Variants in C2CD3 observed in about 807,000 individuals in gnomAD.
C2CD3 encodes the protein C2 domain containing 3 centriole elongation regulator.
C2CD3 carries 148 observed loss-of-function variants against 234.0 expected under a neutral mutation model. That is an observed-to-expected ratio of 0.63 (90% CI 0.55 to 0.72). C2CD3 has a LOEUF of 0.72. Among genes scored for constraint, C2CD3 ranks in the 30% least tolerant of loss-of-function variants. The probability of loss-of-function intolerance (pLI) is 0.00; values close to 1 mark genes in which losing one functional copy is unlikely to be tolerated. For missense variants in C2CD3, 2,577 were observed against 2,811.5 expected (o/e 0.92, Z 1.89); for synonymous variants, 1,000 against 1,035.4 (o/e 0.97, Z 0.66).
intron 30 of C2CD3, among the ~76,000 whole-genome samples, chr11:74,036,756 C>T (rs1952765082): frequency 6.6e-6 from 1 of 152,120 alleles, no homozygotes; most frequent in African/African-American, 2.4e-5. Flanking sequence ...CAGTAAGTGC[C>T]CCGGGTGATT....
At chr11:74,116,713 A>G (rs757637292) in intron 9 of C2CD3, among the ~76,000 whole-genome samples, 3 of 151,434 alleles carry the variant, frequency 2.0e-5, no homozygotes, top group Non-Finnish European at 4.4e-5. Flanking sequence ...TTGCAAAAAT[A>G]TGGAACCAGC....
At position 74,106,371 on chromosome 11, in the gene C2CD3, C is replaced by T. The variant is rs1162999380; in HGVS notation, c.2085G>A (p.Lys695=). The stretch of plus-strand genomic sequence containing the variant: ...ACTTCCTGAATGTATATCTACATAC[C>T]TTGAGGGGGCCAAATGGAGACTGAC... ...ENGQSPFGPL[K]VTMELITDNK... is the part of the protein sequence containing the mutation. The change falls in exon 13 of 33, where the codon AAG becomes AAA. Residue 695 remains lysine (K), a splice_region_variant and synonymous_variant. Transcript: ENST00000334126. The T allele has an allele frequency of 6.2e-7, 1 of 1,613,850 alleles. No individual in the cohort carries two copies. Among genetic ancestry groups the T allele is most frequent in the Non-Finnish European group, 8.5e-7 (1 of 1,179,864 alleles).
chr11:74,159,274 A>G (rs1565356329), intron 3 of C2CD3, among the ~76,000 whole-genome samples: 1 of 152,348 alleles, frequency 6.6e-6, no homozygotes, highest in East Asian at 1.9e-4. Context: ...TTACTATATT[A>G]TACTTTTTCT....
At chr11:74,083,997 T>C (rs995232189) in intron 22 of C2CD3, among the ~76,000 whole-genome samples, 1 of 152,246 alleles carries the variant, frequency 6.6e-6, no homozygotes, top group Non-Finnish European at 1.5e-5. Context: ...TGCATATGTA[T>C]GTTTATTGCG....
rs201378099 is a variant in C2CD3, at chr11:74,123,009, C to A, written c.1344G>T (p.Glu448Asp). 1.9e-4 allele frequency: 299 copies of A among 1,613,548 alleles called. No individual in the cohort carries two copies. The highest frequency in any genetic ancestry group is 2.4e-4 in the Non-Finnish European group (286 of 1,179,556). ...NDPQYDQSLLENLFYTAPKSD... is the reference protein window; with the variant it reads ...NDPQYDQSLLDNLFYTAPKSD... ...TTACAGGTGCTGTATAAAATAAATT[C>A]TCCAGAAGACTCTGGTCATACTGAG... The change falls in exon 8 of 33, where the codon GAG becomes GAT. Residue 448 changes from glutamate to aspartate, a missense_variant. Coordinates refer to ENST00000334126, the MANE Select transcript of C2CD3 (RefSeq NM_001286577.2).
At position 74,084,960 on chromosome 11, in the gene C2CD3, T is replaced by C. The variant is rs781137895; in HGVS notation, c.3921A>G (p.Ile1307Met). The C allele has an allele frequency of 2.4e-5, 38 of 1,606,660 alleles. No individual in the cohort carries two copies. In the East Asian group the frequency reaches 7.8e-4, roughly 33 times the overall value. The stretch of plus-strand genomic sequence containing the variant: ...ACTCTTTGCATGACTCAATACTGAT[T>C]ATATCACTTGCTGTTAAATCAAGCA... ...YHENTKSASD[I>M]ISIESCKEYL... The change falls in exon 22 of 33, where the codon ATA (isoleucine) becomes ATG (methionine). Residue 1307 changes from isoleucine (I) to methionine (M), a missense_variant. Physicochemically the swap from Ile to Met is conservative, Grantham distance 10. Coordinates refer to ENST00000334126, the MANE Select transcript of C2CD3 (RefSeq NM_001286577.2).
chr11:74,116,103 C>T (rs1956918536), intron 9 of C2CD3, among the ~76,000 whole-genome samples: 1 of 152,016 alleles, frequency 6.6e-6, no homozygotes, highest in African/African-American at 2.4e-5. Context: ...GCAAATGCAA[C>T]AAAAACAAAG....
chr11:74,167,527 G>T (rs1856888294), intron 2 of C2CD3, among the ~76,000 whole-genome samples: 1 of 152,152 alleles, frequency 6.6e-6, no homozygotes, highest in Non-Finnish European at 1.5e-5. Context: ...TTTACATGTT[G>T]ATGTTTCAAA....
In C2CD3 at chr11:74,078,661, G is replaced by C. The variant is rs1479917405; in HGVS notation, c.4057C>G (p.Leu1353Val). ...CCCACGATCTTCTGCATGAGCTCCA[G>C]GCCATGAGGTAGGCCCCCGTCTTCT... ...LPEDGGLPHGLELMQKIVGGL... is the reference protein window; with the variant it reads ...LPEDGGLPHGVELMQKIVGGL... The change falls in exon 23 of 33, where the codon CTG (leucine) becomes GTG (valine). Residue 1353 changes from leucine to valine, a missense_variant. Coordinates refer to ENST00000334126, the MANE Select transcript of C2CD3 (RefSeq NM_001286577.2). The C allele has an allele frequency of 4.3e-6, 7 of 1,613,952 alleles. No homozygotes were observed. Among genetic ancestry groups the C allele is most frequent in the Middle Eastern group, 1.6e-4 (1 of 6,084 alleles).
At chr11:74,085,032 C>A in intron 21 of C2CD3, 62 bp from the exon 22 acceptor site, 1 of 891,386 alleles carries the variant, frequency 1.1e-6, no homozygotes, top group East Asian at 2.4e-5. Context: ...GGCTAGTTTA[C>A]AGTATATCCA....
At position 74,170,895 on chromosome 11, in the gene C2CD3, G is replaced by A. The variant is rs1857170373; in HGVS notation, c.-103C>T. On this transcript the variant is annotated 5_prime_UTR_variant, in exon 1 of 33. Transcript: ENST00000334126. ...CGGCGCCTGCGTTCCCCGGCAACCG[G>A]CGCCGCTGGGCAGCCTGGGAGGCAG... The A allele has an allele frequency of 1.9e-6, 3 of 1,583,446 alleles. No individual in the cohort carries two copies. In the South Asian group the frequency reaches 3.4e-5, roughly 18 times the overall value.
intron 26 of C2CD3, among the ~76,000 whole-genome samples, chr11:74,051,698 C>T (rs1375026894): frequency 6.6e-6 from 1 of 152,190 alleles, no homozygotes. Flanking sequence ...GAAGCCTTCT[C>T]TGACATCCTA....
intron 28 of C2CD3, among the ~76,000 whole-genome samples, chr11:74,044,650 C>T (rs1161113534): frequency 6.6e-6 from 1 of 152,104 alleles, no homozygotes; most frequent in Non-Finnish European, 1.5e-5. Flanking sequence ...ATGATCCCAT[C>T]ACCCAGGTAC....
At chr11:74,037,840 T>G in intron 29 of C2CD3, 142 bp from the exon 30 acceptor site, 1 of 660,170 alleles carries the variant, frequency 1.5e-6, no homozygotes, top group Admixed American at 2.4e-5. Context: ...TCCCTCTCTC[T>G]CCAATCCACC....
chr11:74,054,772 C>T (rs1031815950), intron 25 of C2CD3, 101 bp from the exon 26 acceptor site: 18 of 739,042 alleles, frequency 2.4e-5, no homozygotes, highest in Non-Finnish European at 3.8e-5. Flanking sequence ...AGCACTTTCC[C>T]AACACTATTT....
In C2CD3 at chr11:74,100,553, G is replaced by T. The variant is rs990276989; in HGVS notation, c.2704C>A (p.Pro902Thr). ...QDKLLGLVKL[P>T]LHQFYMSFKD... ...AATGACATGTAAAACTGGTGGAGGG[G>T]AAGTTTCACCAGCCCGAGCAGCTTG... Residue 902 changes from proline to threonine, a missense_variant, in exon 15 of 33, where the codon CCC becomes ACC. Coordinates refer to ENST00000334126, the MANE Select transcript of C2CD3 (RefSeq NM_001286577.2). The T allele has an allele frequency of 4.3e-6, 7 of 1,612,334 alleles. No individual in the cohort carries two copies. Among genetic ancestry groups the T allele is most frequent in the Middle Eastern group, 3.3e-4 (2 of 6,054 alleles).
Position 74,170,814 on chromosome 11 carries a change from A to G in C2CD3, c.-22T>C. 6.2e-7 allele frequency: 1 copy of G among 1,613,946 alleles called. No homozygotes were observed. The highest frequency in any genetic ancestry group is 8.5e-7 in the Non-Finnish European group (1 of 1,179,966). On this transcript the variant is annotated 5_prime_UTR_variant, in exon 1 of 33. Coordinates refer to ENST00000334126, the MANE Select transcript of C2CD3 (RefSeq NM_001286577.2). ...TCATGATGAGCCCGAGCTCTTCTTC[A>G]CCAGCTCAACTCCGTCTCCAGCACC...
chr11:74,073,950 G>C (rs375018538), intron 24 of C2CD3, among the ~76,000 whole-genome samples: 2 of 152,192 alleles, frequency 1.3e-5, no homozygotes, highest in Non-Finnish European at 2.9e-5. Context: ...GAGTTGGCAG[G>C]AATGCAGAAG....
chr11:74,026,779 C>A (rs1591278570), intron 32 of C2CD3, among the ~76,000 whole-genome samples: 1 of 151,724 alleles, frequency 6.6e-6, no homozygotes, highest in South Asian at 2.1e-4. Flanking sequence ...ACCATCCTGG[C>A]CAACATGGTG....
Sources: gnomAD v4.1 joint callset for allele counts (sites outside exome capture counted in the v4.1 genomes callset) on GRCh38, gnomAD v4.1.1 for gene constraint, MANE v1.5 for transcripts, NCBI Gene and HGNC (gene_info 2026-07-23, HGNC 2026-07-21) for gene names.